Variants in PSD3 observed in about 807,000 individuals in gnomAD.
PSD3 encodes pleckstrin and Sec7 domain containing 3, also known as PH and SEC7 domain-containing protein 3.
In PSD3, 49 loss-of-function variants were observed where a neutral mutation model predicts 105.5. The observed-to-expected ratio is 0.46, with a 90% CI of 0.37 to 0.59. PSD3 has a LOEUF of 0.59. Ranked by LOEUF, PSD3 falls within the 20% of genes least tolerant of loss-of-function variation. PSD3 has a pLI of 0.00. For synonymous variants in PSD3, 557 were observed against 457.8 expected, an observed-to-expected ratio of 1.22 and a Z score of -2.77; for missense variants, 1,561 against 1,263.8, an observed-to-expected ratio of 1.24 and a Z score of -3.57.
chr8:18,682,672 T>C (rs1336564598), intron 9 of PSD3, among the ~76,000 whole-genome samples: 1 of 152,174 alleles, frequency 6.6e-6, no homozygotes, highest in African/African-American at 2.4e-5. Flanking sequence ...GAAGCCAACA[T>C]ATTTCTTAAA....
At position 18,777,263 on chromosome 8, in the gene PSD3, G is replaced by A. The variant is rs542891020; in HGVS notation, c.2083-11725C>T. On this transcript the variant is annotated intron_variant, in intron 8 of 15. Coordinates refer to ENST00000327040, the MANE Select transcript of PSD3 (RefSeq NM_015310.4). The stretch of plus-strand genomic sequence containing the variant: ...TCACCATGTTGGCCAGGATGGTCTC[G>A]ATCTCCTGACCTCCTGATCCACCCA... 6.5e-4 allele frequency among the ~76,000 whole-genome samples: 99 copies of A among 152,150 alleles called. 1 individual carries two copies. Among genetic ancestry groups the A allele is most frequent in the Admixed American group, 4.2e-3 (64 of 15,278 alleles).
chr8:18,846,853 G>A (rs369344919), intron 4 of PSD3, among the ~76,000 whole-genome samples: 1 of 151,974 alleles, frequency 6.6e-6, no homozygotes, highest in African/African-American at 2.4e-5. Flanking sequence ...AAATTGTTTG[G>A]CTTGGCCCAA....
chr8:18,628,281 C>G (rs764560011), intron 11 of PSD3, among the ~76,000 whole-genome samples: 2 of 151,798 alleles, frequency 1.3e-5, no homozygotes, highest in East Asian at 3.9e-4. Context: ...ACTAAGGCAT[C>G]ACATAATAAA....
chr8:18,742,722 A>G (rs935056549), intron 9 of PSD3, among the ~76,000 whole-genome samples: 2 of 152,166 alleles, frequency 1.3e-5, no homozygotes, highest in African/African-American at 2.4e-5. Flanking sequence ...GGTTTTAATC[A>G]CTCTAATAAA....
At chr8:18,700,781 G>A (rs1801532723) in intron 9 of PSD3, among the ~76,000 whole-genome samples, 1 of 151,910 alleles carries the variant, frequency 6.6e-6, no homozygotes, top group African/African-American at 2.4e-5. Context: ...AAACAGTAGA[G>A]TAGAAAGGAT....
chr8:18,832,111 A>G (rs1813725936), intron 4 of PSD3, among the ~76,000 whole-genome samples: 1 of 152,004 alleles, frequency 6.6e-6, no homozygotes, highest in African/African-American at 2.4e-5. Context: ...TGCCTTTTTC[A>G]CTCTAGCTCT....
chr8:18,588,705 C>A (rs1029405431), intron 12 of PSD3, among the ~76,000 whole-genome samples: 3 of 152,172 alleles, frequency 2.0e-5, no homozygotes, highest in African/African-American at 7.2e-5. Context: ...GAGCTCTAAT[C>A]CAAGCTGATG....
intron 2 of PSD3, among the ~76,000 whole-genome samples, chr8:18,875,458 T>C (rs1586298313): frequency 1.3e-5 from 2 of 151,136 alleles, no homozygotes; most frequent in African/African-American, 4.9e-5. Context: ...AGTAGGTCTT[T>C]TCATGGTTCC....
intron 9 of PSD3, among the ~76,000 whole-genome samples, chr8:18,726,192 T>C (rs1223718684): frequency 1.3e-5 from 2 of 152,238 alleles, no homozygotes; most frequent in Admixed American, 1.3e-4. Context: ...TTAAAAATCA[T>C]ATGAATCACT....
intron 9 of PSD3, chr8:18,734,214 TG>T (rs1803982696): frequency 6.6e-6 from 1 of 152,216 alleles, no homozygotes; most frequent in East Asian, 1.9e-4. Context: ...GTATAGCCTT[TG>T]GAAAATTACT....
chr8:18,582,271 C>G (rs1802870357), intron 12 of PSD3, among the ~76,000 whole-genome samples: 1 of 152,206 alleles, frequency 6.6e-6, no homozygotes, highest in African/African-American at 2.4e-5. Context: ...CACCACTGCA[C>G]TGAAACTGCT....
chr8:18,578,960 A>G (rs1802632697), intron 12 of PSD3, among the ~76,000 whole-genome samples: 1 of 152,118 alleles, frequency 6.6e-6, no homozygotes, highest in Non-Finnish European at 1.5e-5. Flanking sequence ...ACTGAAGTTG[A>G]AAAATTTTAA....
intron 4 of PSD3, among the ~76,000 whole-genome samples, chr8:18,840,892 G>A (rs956048762): frequency 3.3e-5 from 5 of 152,182 alleles, no homozygotes; most frequent in Non-Finnish European, 5.9e-5. Flanking sequence ...CATTGGGCAA[G>A]TTGTCTTACT....
At chr8:18,687,319 A>G (rs1800712089) in intron 9 of PSD3, among the ~76,000 whole-genome samples, 1 of 152,028 alleles carries the variant, frequency 6.6e-6, no homozygotes, top group South Asian at 2.1e-4. Flanking sequence ...ACAAAAAATT[A>G]GCCGGGCATG....
At chr8:18,734,985 T>C (rs1020593323) in intron 9 of PSD3, among the ~76,000 whole-genome samples, 2 of 152,226 alleles carry the variant, frequency 1.3e-5, no homozygotes, top group African/African-American at 4.8e-5. Flanking sequence ...TCAAAGACTG[T>C]GCCCTTTATC....
exon 1 of PSD3, chr8:19,084,448 C>T (rs1296819362): frequency 2.2e-6 from 1 of 455,826 alleles, no homozygotes; most frequent in Non-Finnish European, 4.4e-6. Flanking sequence ...CATCGGGGGT[C>T]CATGCCCCAC....
intron 8 of PSD3, among the ~76,000 whole-genome samples, chr8:18,777,327 C>T (rs1235709257): frequency 3.9e-5 from 6 of 152,176 alleles, no homozygotes; most frequent in African/African-American, 1.4e-4. Flanking sequence ...AAGTGTGAGC[C>T]ACTGTGCCTT....
In PSD3 at chr8:18,801,261, T is replaced by A. The variant is rs1563285430; in HGVS notation, c.2023+9A>T. 4.8e-6 allele frequency: 7 copies of A among 1,463,112 alleles called. No individual in the cohort carries two copies. Among genetic ancestry groups the A allele is most frequent in the Non-Finnish European group, 4.7e-6 (5 of 1,060,482 alleles). 90.6% of individuals were successfully genotyped at this position (1,463,112 alleles called of 1,614,324 possible). A position where few individuals can be genotyped will look rare whatever the true frequency, so the allele number is the denominator to read the frequency against. The stretch of plus-strand genomic sequence containing the variant: ...TAAAAAAGAAATTCAAGGATTTGTA[T>A]CAGATTACCTTGTGAAGCAATGGTA... On this transcript the variant is annotated intron_variant, in intron 7 of 15. Coordinates refer to ENST00000327040, the MANE Select transcript of PSD3 (RefSeq NM_015310.4).
intron 9 of PSD3, among the ~76,000 whole-genome samples, chr8:18,730,635 C>G (rs1010323164): frequency 1.3e-5 from 2 of 152,180 alleles, no homozygotes; most frequent in Admixed American, 6.5e-5. Flanking sequence ...AGATACTGTA[C>G]GCTATACACT....
Sources: allele counts gnomAD v4.1 joint callset (sites outside exome capture counted in the v4.1 genomes callset), GRCh38; gene constraint gnomAD v4.1.1; transcripts MANE v1.5; gene names NCBI Gene and HGNC (gene_info 2026-07-23, HGNC 2026-07-21).